ARMH4: variants seen among roughly 807,000 people sequenced by gnomAD.
The protein encoded by ARMH4 is armadillo-like helical domain-containing protein 4.
In ARMH4, 49 loss-of-function variants were observed where a neutral mutation model predicts 61.9. That is an observed-to-expected ratio of 0.79 (90% CI 0.63 to 1.00). The LOEUF is 1.00. ARMH4 is among the 50% of genes least tolerant of loss of function. ARMH4 has a pLI of 0.00. For synonymous variants in ARMH4, 368 were observed against 341.5 expected (o/e 1.08, Z -0.85); for missense variants, 934 against 930.0 (o/e 1.00, Z -0.06).
Position 58,005,148 on chromosome 14 carries a change from C to A in ARMH4, c.2156G>T (p.Gly719Val), listed in dbSNP as rs769285672. ...GAACAAGGCTCCAGCTATCCCAACCCCTACAGGCACCAGCATCCCAGACAT... is the reference window on the plus strand; with the variant it reads ...GAACAAGGCTCCAGCTATCCCAACCACTACAGGCACCAGCATCCCAGACAT... ...GYMSGMLVPV[G>V]VGIAGALFIL... Residue 719 changes from glycine to valine, a missense_variant, in exon 7 of 8, where the codon GGG (glycine) becomes GTG (valine). Physicochemically the swap from Gly to Val is moderately radical, Grantham distance 109. Coordinates refer to ENST00000267485, the MANE Select transcript of ARMH4 (RefSeq NM_001001872.4). 3 of 1,613,840 alleles carry A rather than the reference C, an allele frequency of 1.9e-6. No homozygotes were observed. The Admixed American group carries it at 5.0e-5, about 27-fold the overall frequency.
In ARMH4 at chr14:58,081,797, C is replaced by T. The variant is rs530865025; in HGVS notation, c.2089+14927G>A. Among the ~76,000 whole-genome samples the T allele has an allele frequency of 7.9e-5, 12 of 152,200 alleles. No homozygotes were observed. In the East Asian group the frequency reaches 9.7e-4, roughly 12 times the overall value. On this transcript the variant is annotated intron_variant, in intron 5 of 7. Transcript: ENST00000267485. The stretch of plus-strand genomic sequence containing the variant: ...CTGGGATTACAGGCGTGAGCCACCA[C>T]GCCTGGCCAAGTTCATATCTTAATG...
At chr14:58,093,908 AAAGT>A (rs1885658106) in intron 5 of ARMH4, among the ~76,000 whole-genome samples, 1 of 152,226 alleles carries the variant, frequency 6.6e-6, no homozygotes. Flanking sequence ...GCAACAGCAG[AAAGT>A]AAGAGACACC....
chr14:58,021,069 C>A (rs1248201812), intron 5 of ARMH4, among the ~76,000 whole-genome samples: 1 of 152,150 alleles, frequency 6.6e-6, no homozygotes, highest in Non-Finnish European at 1.5e-5. Context: ...GAGGAATTGC[C>A]CCTTTTCATA....
chr14:58,093,868 G>A (rs1885657177), intron 5 of ARMH4, among the ~76,000 whole-genome samples: 1 of 152,106 alleles, frequency 6.6e-6, no homozygotes, highest in African/African-American at 2.4e-5. Context: ...CTGAAAACAT[G>A]TTGACAAAAT....
rs540263028 is a variant in ARMH4 at position 58,092,245 on chromosome 14, G to A, written c.2089+4479C>T. Among the ~76,000 whole-genome samples, 795 of 152,288 alleles carry A rather than the reference G, an allele frequency of 5.2e-3. 3 individuals are homozygous for A. The highest frequency in any genetic ancestry group is 9.1e-3 in the Non-Finnish European group (618 of 68,022). On this transcript the variant is annotated intron_variant, in intron 5 of 7. Transcript: ENST00000267485. ...AATAAAACAACCCCATTTAAAAATA[G>A]GAATGAAGCGGACAGCCAATTAAAG...
chr14:58,063,383 G>GGACT (rs1254449386), intron 5 of ARMH4, among the ~76,000 whole-genome samples: 16 of 152,150 alleles, frequency 1.1e-4, no homozygotes, highest in Non-Finnish European at 1.6e-4. Flanking sequence ...CCCAGGGTTA[G>GGACT]GACTTCAACG....
chr14:58,147,748 C>T, intron 1 of ARMH4, among the ~76,000 whole-genome samples: 1 of 152,132 alleles, frequency 6.6e-6, no homozygotes, highest in East Asian at 1.9e-4. Context: ...ATGAGGTATA[C>T]TGTCGTTATT....
chr14:58,135,296 A>G (rs1887265805), intron 2 of ARMH4, among the ~76,000 whole-genome samples: 1 of 152,164 alleles, frequency 6.6e-6, no homozygotes, highest in Admixed American at 6.5e-5. Context: ...AAATCCCTAG[A>G]GAGCCAGGAT....
At chr14:58,041,517 T>G (rs1330546581) in intron 5 of ARMH4, among the ~76,000 whole-genome samples, 1 of 152,132 alleles carries the variant, frequency 6.6e-6, no homozygotes, top group African/African-American at 2.4e-5. Context: ...CCATCGATGC[T>G]AGGAAGAAAC....
intron 5 of ARMH4, among the ~76,000 whole-genome samples, chr14:58,045,643 T>A (rs1883913067): frequency 6.7e-6 from 1 of 150,296 alleles, no homozygotes; most frequent in Admixed American, 6.6e-5. Flanking sequence ...GTCTTGTGAG[T>A]TGAATTTTGT....
intron 5 of ARMH4, among the ~76,000 whole-genome samples, chr14:58,073,038 C>T (rs1028323458): frequency 2.0e-5 from 3 of 152,140 alleles, no homozygotes; most frequent in African/African-American, 2.4e-5. Flanking sequence ...GCAGAAGGGA[C>T]GATATCACAT....
At chr14:58,016,722 T>C (rs1347291636) in intron 5 of ARMH4, among the ~76,000 whole-genome samples, 1 of 152,230 alleles carries the variant, frequency 6.6e-6, no homozygotes, top group African/African-American at 2.4e-5. Flanking sequence ...CCCACTGTTT[T>C]GTTATCTTTC....
At chr14:58,041,510 T>C (rs1412179025) in intron 5 of ARMH4, among the ~76,000 whole-genome samples, 3 of 152,146 alleles carry the variant, frequency 2.0e-5, no homozygotes, top group Non-Finnish European at 2.9e-5. Context: ...GTAAAGACCA[T>C]CGATGCTAGG....
At chr14:58,099,873 C>T (rs1309578663) in intron 4 of ARMH4, among the ~76,000 whole-genome samples, 2 of 152,160 alleles carry the variant, frequency 1.3e-5, no homozygotes, top group Non-Finnish European at 2.9e-5. Context: ...GATTTTTGCA[C>T]ACGTTGCTGA....
At chr14:58,072,910 T>A (rs573627770) in intron 5 of ARMH4, among the ~76,000 whole-genome samples, 9 of 152,238 alleles carry the variant, frequency 5.9e-5, no homozygotes, top group African/African-American at 2.2e-4. Flanking sequence ...GGTATCCCCA[T>A]TCCATGGAGA....
intron 5 of ARMH4, among the ~76,000 whole-genome samples, chr14:58,038,948 C>T (rs1039584985): frequency 1.3e-5 from 2 of 152,196 alleles, no homozygotes; most frequent in African/African-American, 2.4e-5. Flanking sequence ...CACTGCGTAG[C>T]TCTTCTGTCG....
intron 5 of ARMH4, among the ~76,000 whole-genome samples, chr14:58,062,769 G>A (rs560721729): frequency 6.6e-6 from 1 of 152,346 alleles, no homozygotes; most frequent in South Asian, 2.1e-4. Flanking sequence ...AGGGAGCAGA[G>A]TCTGGGCTTG....
intron 1 of ARMH4, among the ~76,000 whole-genome samples, chr14:58,141,827 G>A (rs10134699): frequency 0.086 from 13,131 of 152,188 alleles, 840 homozygotes; most frequent in African/African-American, 0.18. Context: ...AACTATAAAA[G>A]TTACAGGCAA....
intron 5 of ARMH4, among the ~76,000 whole-genome samples, chr14:58,054,518 C>T (rs73293218): frequency 0.042 from 6,327 of 152,224 alleles, 408 homozygotes; most frequent in African/African-American, 0.14. Flanking sequence ...CCAGTGAAAC[C>T]ACCAAGGCCT....
Sources: allele counts gnomAD v4.1 joint callset (sites outside exome capture counted in the v4.1 genomes callset), GRCh38; gene constraint gnomAD v4.1.1; transcripts MANE v1.5; gene names NCBI Gene and HGNC (gene_info 2026-07-23, HGNC 2026-07-21).